DDAH1: variants seen among roughly 807,000 people sequenced by gnomAD.
The protein encoded by DDAH1 is N(G),N(G)-dimethylarginine dimethylaminohydrolase 1.
DDAH1 carries 19 observed loss-of-function variants against 28.8 expected under a neutral mutation model. That is an observed-to-expected ratio of 0.66 (90% CI 0.46 to 0.97). The LOEUF (loss-of-function observed/expected upper bound fraction) is 0.97, where lower values mean the gene tolerates loss of function less well. Among genes scored for constraint, DDAH1 ranks in the 50% least tolerant of loss-of-function variants. The pLI is 0.00. For missense variants in DDAH1, 326 were observed against 375.9 expected (o/e 0.87, Z 1.10); for synonymous variants, 153 against 154.4 (o/e 0.99, Z 0.07).
At chr1:85,346,844 G>T (rs1389872049) in intron 4 of DDAH1, among the ~76,000 whole-genome samples, 1 of 151,986 alleles carries the variant, frequency 6.6e-6, no homozygotes, top group Non-Finnish European at 1.5e-5. Flanking sequence ...CAGAATGGGA[G>T]AAAATTTTTG....
Position 85,342,010 on chromosome 1 carries a change from A to G in DDAH1, c.597+8405T>C, listed in dbSNP as rs572305873. Among the ~76,000 whole-genome samples the G allele has an allele frequency of 1.4e-3, 216 of 152,270 alleles. 1 individual carries two copies. Among genetic ancestry groups the G allele is most frequent in the African/African-American group, 5.0e-3 (209 of 41,550 alleles). On this transcript the variant is annotated intron_variant, in intron 4 of 5. Coordinates refer to ENST00000284031, the MANE Select transcript of DDAH1 (RefSeq NM_012137.4). ...GTTTGCTCCATCCTAGGTTTAAGAC[A>G]CAGCATTTCACCTTGACTGGCTGTT...
At chr1:85,482,921 A>G (rs1656058015) in intron 2 of DDAH1, among the ~76,000 whole-genome samples, 1 of 152,192 alleles carries the variant, frequency 6.6e-6, no homozygotes, top group Non-Finnish European at 1.5e-5. Context: ...GAAGAAGGGG[A>G]CAACAATAAA....
chr1:85,384,551 A>G (rs1187845416), intron 1 of DDAH1, among the ~76,000 whole-genome samples: 2 of 152,210 alleles, frequency 1.3e-5, no homozygotes, highest in African/African-American at 4.8e-5. Context: ...CACTGTCTGA[A>G]AAGCTGTTTC....
intron 1 of DDAH1, among the ~76,000 whole-genome samples, chr1:85,385,872 T>C (rs1213787960): frequency 6.6e-6 from 1 of 152,136 alleles, no homozygotes; most frequent in Non-Finnish European, 1.5e-5. Context: ...CTTCTACTCA[T>C]GGTGGAAGCC....
At chr1:85,545,978 A>G (rs191837760) in intron 1 of DDAH1, among the ~76,000 whole-genome samples, 5 of 152,196 alleles carry the variant, frequency 3.3e-5, no homozygotes, top group African/African-American at 9.6e-5. Context: ...ATTTGTATCA[A>G]TGTTCCTGCT....
intron 1 of DDAH1, among the ~76,000 whole-genome samples, chr1:85,454,150 T>C (rs1654782475): frequency 6.6e-6 from 1 of 152,178 alleles, no homozygotes; most frequent in Admixed American, 6.5e-5. Context: ...ATGCAAAAGA[T>C]GCAAGTTCAG....
intron 4 of DDAH1, among the ~76,000 whole-genome samples, chr1:85,339,538 A>G (rs1293707225): frequency 6.6e-6 from 1 of 152,222 alleles, no homozygotes; most frequent in Non-Finnish European, 1.5e-5. Flanking sequence ...GTAAGTGATT[A>G]AGAGCAGGGC....
At chr1:85,401,585 G>A (rs1393161161) in intron 1 of DDAH1, among the ~76,000 whole-genome samples, 1 of 140,054 alleles carries the variant, frequency 7.1e-6, no homozygotes, top group Non-Finnish European at 1.5e-5. Context: ...CTGTCACCTT[G>A]ATCTCCTGGG....
chr1:85,520,313 C>T (rs1253407425), intron 1 of DDAH1, among the ~76,000 whole-genome samples: 1 of 152,012 alleles, frequency 6.6e-6, no homozygotes, highest in Admixed American at 6.6e-5. Flanking sequence ...ACTTAGAAGT[C>T]AGAAATAGAG....
At chr1:85,554,690 T>C (rs1170844473) in intron 1 of DDAH1, among the ~76,000 whole-genome samples, 3 of 152,172 alleles carry the variant, frequency 2.0e-5, no homozygotes, top group Non-Finnish European at 2.9e-5. Flanking sequence ...AATGGAGAAA[T>C]TGGCTTTAAA....
At chr1:85,386,232 GAAGTCCA>G (rs1056060205) in intron 1 of DDAH1, among the ~76,000 whole-genome samples, 3 of 152,104 alleles carry the variant, frequency 2.0e-5, no homozygotes, top group African/African-American at 4.8e-5. Flanking sequence ...CATCAACTCA[GAAGTCCA>G]AAGTCCAAAG....
chr1:85,353,760 C>CA (rs559298911), intron 2 of DDAH1, among the ~76,000 whole-genome samples: 9 of 150,990 alleles, frequency 6.0e-5, no homozygotes, highest in South Asian at 2.1e-4. Context: ...TACTCTGAGG[C>CA]AAAAAAAATA....
At chr1:85,554,298 T>TTA (rs3058939) in intron 1 of DDAH1, among the ~76,000 whole-genome samples, 3 of 150,432 alleles carry the variant, frequency 2.0e-5, no homozygotes, top group African/African-American at 4.9e-5. Flanking sequence ...TTTTTTTTTT[T>TTA]AATCTCTAAA....
intron 4 of DDAH1, among the ~76,000 whole-genome samples, chr1:85,345,359 G>A (rs933958518): frequency 8.6e-5 from 13 of 151,822 alleles, no homozygotes; most frequent in African/African-American, 3.1e-4. Context: ...TACAGGTAGA[G>A]GGGTATGAAG....
At chr1:85,349,755 C>A (rs143189668) in intron 4 of DDAH1, among the ~76,000 whole-genome samples, 2 of 152,092 alleles carry the variant, frequency 1.3e-5, no homozygotes, top group African/African-American at 4.8e-5. Flanking sequence ...GATCATCTCA[C>A]GGGGTTGAAG....
At chr1:85,441,815 G>A (rs1329655787) in intron 1 of DDAH1, among the ~76,000 whole-genome samples, 1 of 152,190 alleles carries the variant, frequency 6.6e-6, no homozygotes. Context: ...TTCAGCAGAA[G>A]AAAGATCTGT....
chr1:85,464,477 G>C lies in DDAH1; in HGVS notation c.303+266C>G. The C allele has an allele frequency of 2.6e-6, 4 of 1,519,324 alleles. No homozygotes were observed. The highest frequency in any genetic ancestry group is 3.5e-6 in the Non-Finnish European group (4 of 1,136,216). The allele number at this position is 1,519,324 out of a possible 1,614,324, so 94.1% of individuals were successfully genotyped here. ...CACAAATAAAAATGCCCGTGAGACG[G>C]AATCCCCCGCCCACCCACCTGCCCG... On this transcript the variant is annotated intron_variant, in intron 1 of 5. Transcript: ENST00000284031. This position sits in a 1 kb window ranked among gnomAD's most constrained non-coding sequence, Gnocchi z 4.4.
chr1:85,388,601 A>T (rs1459067717), intron 1 of DDAH1, among the ~76,000 whole-genome samples: 1 of 152,184 alleles, frequency 6.6e-6, no homozygotes, highest in Non-Finnish European at 1.5e-5. Context: ...AATACTTAAT[A>T]AAGTGTAAAA....
At chr1:85,576,448 T>C (rs1319914200) in intron 1 of DDAH1, among the ~76,000 whole-genome samples, 1 of 152,174 alleles carries the variant, frequency 6.6e-6, no homozygotes, top group Non-Finnish European at 1.5e-5. Context: ...GAAGGGGTCG[T>C]GGGAGGCCAG....
Sources: allele counts gnomAD v4.1 joint callset (sites outside exome capture counted in the v4.1 genomes callset), GRCh38; gene constraint gnomAD v4.1.1; non-coding constraint Gnocchi (gnomAD v3.1); transcripts MANE v1.5; gene names NCBI Gene and HGNC (gene_info 2026-07-23, HGNC 2026-07-21).